Variants in SYNPR observed in about 807,000 individuals in gnomAD.
The protein encoded by SYNPR is synaptoporin.
A neutral mutation model predicts 32.9 loss-of-function variants in SYNPR; 23 were observed. The observed-to-expected ratio is 0.70, with a 90% CI of 0.50 to 0.99. The LOEUF (loss-of-function observed/expected upper bound fraction) is 0.99. Among genes scored for constraint, SYNPR ranks in the 50% least tolerant of loss-of-function variants. The pLI, the probability that SYNPR is intolerant of heterozygous loss-of-function variation, is 0.00. For missense variants in SYNPR, 318 were observed against 349.3 expected (o/e 0.91, Z 0.71); for synonymous variants, 146 against 135.9 (o/e 1.07, Z -0.52).
At chr3:63,409,093 T>C (rs1014459402) in intron 2 of SYNPR, among the ~76,000 whole-genome samples, 1 of 152,116 alleles carries the variant, frequency 6.6e-6, no homozygotes, top group African/African-American at 2.4e-5. Context: ...TTTCTTCTTG[T>C]TCCAATGTTA....
chr3:63,416,908 G>C (rs2088549662), intron 2 of SYNPR, among the ~76,000 whole-genome samples: 1 of 152,122 alleles, frequency 6.6e-6, no homozygotes, highest in East Asian at 1.9e-4. Flanking sequence ...TTCAAGATGA[G>C]ATTTAGGTGG....
chr3:63,600,594 T>A (rs932213795), intron 4 of SYNPR, among the ~76,000 whole-genome samples: 1 of 152,210 alleles, frequency 6.6e-6, no homozygotes, highest in African/African-American at 2.4e-5. Flanking sequence ...CAGGACCAGA[T>A]GGAGGTAATT....
chr3:63,431,503 G>A (rs1000908516), intron 2 of SYNPR, among the ~76,000 whole-genome samples: 2 of 152,132 alleles, frequency 1.3e-5, no homozygotes, highest in Non-Finnish European at 2.9e-5. Flanking sequence ...TATGACACAG[G>A]ATGAAATGAG....
intron 3 of SYNPR, among the ~76,000 whole-genome samples, chr3:63,499,746 T>C (rs559553158): frequency 6.6e-6 from 1 of 152,234 alleles, no homozygotes; most frequent in East Asian, 1.9e-4. Context: ...CTTCCAAAAA[T>C]ACCCTCATTT....
intron 2 of SYNPR, among the ~76,000 whole-genome samples, chr3:63,324,059 C>A (rs1327951341): frequency 6.6e-6 from 1 of 151,986 alleles, no homozygotes; most frequent in Non-Finnish European, 1.5e-5. Context: ...GAATATTGGC[C>A]AATAATGAAA....
intron 4 of SYNPR, among the ~76,000 whole-genome samples, chr3:63,588,337 C>T (rs960691408): frequency 6.6e-6 from 1 of 152,032 alleles, no homozygotes; most frequent in Non-Finnish European, 1.5e-5. Context: ...TGACTCCAAC[C>T]TTCCACTGTG....
At chr3:63,248,728 C>G (rs2086309604) in intron 1 of SYNPR, among the ~76,000 whole-genome samples, 1 of 152,082 alleles carries the variant, frequency 6.6e-6, no homozygotes, top group African/African-American at 2.4e-5. Flanking sequence ...TGAATTGAAA[C>G]CAAAATCCAT....
At chr3:63,209,614 C>T in the SYNPR span, among the ~76,000 whole-genome samples, 1 of 152,140 alleles carries the variant, frequency 6.6e-6, no homozygotes, top group Non-Finnish European at 1.5e-5. Context: ...TGTTCTGGCT[C>T]CTTCTCACTT....
the SYNPR span, among the ~76,000 whole-genome samples, chr3:63,202,349 T>C: frequency 6.6e-6 from 1 of 152,166 alleles, no homozygotes; most frequent in Non-Finnish European, 1.5e-5. Context: ...AAATGGTTCA[T>C]AAATATTTTC....
rs144304255 is a variant in SYNPR at position 63,614,169 on chromosome 3, G to A, written c.601-1055G>A. Among the ~76,000 whole-genome samples, 89 of 152,304 alleles carry A rather than the reference G, an allele frequency of 5.8e-4. 1 individual carries two copies. In the East Asian group the frequency reaches 0.01, roughly 17 times the overall value. ...CCCAAGTCCATTTTGATTGGTCAGC[G>A]TCACGCTAGGGGGTGATGACTAAAT... On this transcript the variant is annotated intron_variant, in intron 5 of 5. Transcript: ENST00000478300.
At chr3:63,553,940 C>T (rs909855838) in intron 3 of SYNPR, among the ~76,000 whole-genome samples, 9 of 152,098 alleles carry the variant, frequency 5.9e-5, no homozygotes, top group African/African-American at 1.9e-4. Context: ...AGGCTGGTCT[C>T]GATCTCCCAA....
At chr3:63,241,199 G>A (rs2086239338) in intron 1 of SYNPR, among the ~76,000 whole-genome samples, 1 of 152,096 alleles carries the variant, frequency 6.6e-6, no homozygotes, top group African/African-American at 2.4e-5. Context: ...GAGGAAAGAG[G>A]GATGGCAAAT....
chr3:63,491,608 C>G (rs1701258397), intron 3 of SYNPR, among the ~76,000 whole-genome samples: 1 of 152,152 alleles, frequency 6.6e-6, no homozygotes, highest in Admixed American at 6.5e-5. Flanking sequence ...GCAATCTCCA[C>G]CTCCTGGGTT....
intron 2 of SYNPR, among the ~76,000 whole-genome samples, chr3:63,308,647 T>C (rs1560186926): frequency 6.6e-6 from 1 of 152,012 alleles, no homozygotes; most frequent in African/African-American, 2.4e-5. Context: ...ACTGTCTTGT[T>C]ACTTGCACTA....
At chr3:63,355,452 C>G (rs1446157668) in intron 2 of SYNPR, among the ~76,000 whole-genome samples, 1 of 152,116 alleles carries the variant, frequency 6.6e-6, no homozygotes, top group African/African-American at 2.4e-5. Context: ...TTGGTAATGG[C>G]TTTCCCACTG....
intron 2 of SYNPR, among the ~76,000 whole-genome samples, chr3:63,428,109 CATG>C (rs1699924422): frequency 1.3e-5 from 2 of 152,208 alleles, no homozygotes; most frequent in African/African-American, 4.8e-5. Context: ...GCGTTGTTTA[CATG>C]ATATCTTCCA....
At chr3:63,494,063 GCAAA>G (rs568174846) in intron 3 of SYNPR, among the ~76,000 whole-genome samples, 13 of 151,448 alleles carry the variant, frequency 8.6e-5, no homozygotes, top group Admixed American at 3.3e-4. Context: ...TTTGATTTCA[GCAAA>G]CAATTACCTT....
chr3:63,408,380 G>GAAAGAAAGAAAGAAAGAAAGA (rs1560221346), intron 2 of SYNPR, among the ~76,000 whole-genome samples: 1 of 148,388 alleles, frequency 6.7e-6, no homozygotes, highest in African/African-American at 2.5e-5. Context: ...AAGAAAGAAA[G>GAAAGAAAGAAAGAAAGAAAGA]AAAAGGAAGG....
chr3:63,537,098 C>A (rs1252623562), intron 3 of SYNPR, among the ~76,000 whole-genome samples: 3 of 151,940 alleles, frequency 2.0e-5, no homozygotes, highest in South Asian at 2.1e-4. Flanking sequence ...CTGAAACGTG[C>A]ACTTTAAAAG....
Sources: allele counts gnomAD v4.1 joint callset (sites outside exome capture counted in the v4.1 genomes callset), GRCh38; gene constraint gnomAD v4.1.1; transcripts MANE v1.5; gene names NCBI Gene and HGNC (gene_info 2026-07-23, HGNC 2026-07-21).